Variants in PRMT1 observed in about 807,000 individuals in gnomAD.
PRMT1 encodes protein arginine methyltransferase 1.
A neutral mutation model predicts 47.4 loss-of-function variants in PRMT1; 5 were observed. That is an observed-to-expected ratio of 0.11 (90% CI 0.06 to 0.22). PRMT1 has a LOEUF of 0.22. PRMT1 is among the 10% of genes least tolerant of loss of function. The pLI is 1.00. For missense variants in PRMT1, 249 were observed against 518.4 expected (o/e 0.48, Z 5.05); for synonymous variants, 227 against 204.6 (o/e 1.11, Z -0.94).
intron 9 of PRMT1, 39 bp downstream of exon 9, chr19:49,686,282 C>T: frequency 6.4e-7 from 1 of 1,553,754 alleles, no homozygotes; most frequent in Non-Finnish European, 8.7e-7. Flanking sequence ...CGTTCCCGAG[C>T]CAGGGCGGAG....
Position 49,682,352 on chromosome 19 carries a change from A to T in PRMT1, c.412+93A>T, listed in dbSNP as rs529644032. The T allele has an allele frequency of 3.4e-4, 465 of 1,353,728 alleles. 2 individuals are homozygous for T. The South Asian group carries it at 5.3e-3, about 16-fold the overall frequency. 83.9% of individuals were successfully genotyped at this position (1,353,728 alleles called of 1,614,324 possible). On this transcript the variant is annotated intron_variant, in intron 5 of 10. Coordinates refer to ENST00000454376, the MANE Select transcript of PRMT1 (RefSeq NM_001536.6). ...TGAAGAGCAGTGGGGTCTACAGATG[A>T]CCACAGATTCAGCAGCTCCCAACCC...
intron 9 of PRMT1, 104 bp downstream of exon 9, chr19:49,686,347 C>T: frequency 7.0e-7 from 1 of 1,419,712 alleles, no homozygotes; most frequent in Non-Finnish European, 9.4e-7. Flanking sequence ...ACCATGGGGA[C>T]ACGCGTGTTC....
chr19:49,686,143 G>A lies in PRMT1; in HGVS notation c.810G>A (p.Pro270=), dbSNP rs753984592. ...TGGAAGACCTGACCTTCACCTCCCC[G>A]TTCTGCCTGCAAGTGAAGCGGAATG... The part of the protein sequence containing the change: ...VKVEDLTFTS[P]FCLQVKRNDY... Residue 270 remains proline (P), a synonymous_variant, in exon 9 of 11, where the codon CCG becomes CCA. Transcript: ENST00000454376. The A allele has an allele frequency of 2.7e-5, 44 of 1,613,962 alleles. No individual in the cohort carries two copies. The highest frequency in any genetic ancestry group is 3.3e-4 in the Middle Eastern group (2 of 6,080).
intron 5 of PRMT1, 24 bp from the exon 6 acceptor site, chr19:49,683,903 G>A (rs1171080881): frequency 3.1e-6 from 5 of 1,605,508 alleles, no homozygotes; most frequent in African/African-American, 1.3e-5. Context: ...GGGGGCTGAC[G>A]TGGCCACCCT....
Position 49,680,641 on chromosome 19 carries a change from G to T in PRMT1, c.192+53G>T. 2 of 1,407,502 alleles carry T rather than the reference G, an allele frequency of 1.4e-6. No individual in the cohort carries two copies. Among genetic ancestry groups the T allele is most frequent in the Non-Finnish European group, 2.0e-6 (2 of 994,656 alleles). 87.2% of individuals were successfully genotyped at this position (1,407,502 alleles called of 1,614,324 possible). On this transcript the variant is annotated intron_variant, in intron 3 of 10. Coordinates refer to ENST00000454376, the MANE Select transcript of PRMT1 (RefSeq NM_001536.6). This position sits in a 1 kb window ranked among gnomAD's most constrained non-coding sequence, Gnocchi z 4.2. ...AATCTTAGGGGGGCTTAAATGTTGG[G>T]GAAGGGGTGGAACCTGTTTTCCCAC...
chr19:49,677,822 C>T (rs1337139443), intron 1 of PRMT1, among the ~76,000 whole-genome samples: 1 of 152,130 alleles, frequency 6.6e-6, no homozygotes, highest in Non-Finnish European at 1.5e-5. Context: ...AGCAGTGCTT[C>T]TCAGCCCTTT....
At position 49,681,719 on chromosome 19, in the gene PRMT1, C is replaced by T. The variant is rs2082121074; in HGVS notation, c.193-191C>T. On this transcript the variant is annotated intron_variant, in intron 3 of 10. Transcript: ENST00000454376. This position sits in a 1 kb window ranked among gnomAD's most constrained non-coding sequence, Gnocchi z 4.4. ...CACCATTGCACTCCAGCCTGGGCAA[C>T]AGAGTGAGATTCCATCTCAAAAAAT... Among the ~76,000 whole-genome samples the T allele has an allele frequency of 6.6e-6, 1 of 151,850 alleles. No homozygotes were observed. Among genetic ancestry groups the T allele is most frequent in the Non-Finnish European group, 1.5e-5 (1 of 67,974 alleles).
In PRMT1 at chr19:49,685,645, T is replaced by G; in HGVS notation, c.760-448T>G. On this transcript the variant is annotated intron_variant, in intron 8 of 10. Transcript: ENST00000454376. This position sits in a 1 kb window ranked among gnomAD's most constrained non-coding sequence, Gnocchi z 4.7. ...GGGGATCCTGTCGGGGAGGAGTAAG[T>G]TGTTGAGTGGGGGAGGAGAGGAGAC... 1 of 1,016,712 alleles carries G rather than the reference T, an allele frequency of 9.8e-7. No homozygotes were observed. 63.0% of individuals were successfully genotyped at this position (1,016,712 alleles called of 1,614,324 possible).
At position 49,686,258 on chromosome 19, in the gene PRMT1, A is replaced by G. The variant is rs776956569; in HGVS notation, c.910+15A>G. 159 of 1,580,548 alleles carry G rather than the reference A, an allele frequency of 1.0e-4. No homozygotes were observed. Among genetic ancestry groups the G allele is most frequent in the Non-Finnish European group, 1.3e-4 (156 of 1,164,064 alleles). On this transcript the variant is annotated intron_variant, in intron 9 of 10. Coordinates refer to ENST00000454376, the MANE Select transcript of PRMT1 (RefSeq NM_001536.6). ...CTTCTCCACCAGTGAGGCGGGGCCC[A>G]CAGGGCTGGGGGCCGTTCCCGAGCC...
chr19:49,680,023 C>T lies in PRMT1; in HGVS notation c.90+98C>T. ...TTTCTTGAGGTCTAACCATACCCCT[C>T]TTGCTTCAAACCAGTTTACCCCAGG... On this transcript the variant is annotated intron_variant, in intron 2 of 10. Transcript: ENST00000454376. The surrounding 1 kb of genome is among the most constrained non-coding windows in gnomAD (Gnocchi z 4.2). 1 of 1,343,504 alleles carries T rather than the reference C, an allele frequency of 7.4e-7. No homozygotes were observed. The highest frequency in any genetic ancestry group is 1.3e-5 in the South Asian group (1 of 79,988). The allele number at this position is 1,343,504 out of a possible 1,614,324, so 83.2% of individuals were successfully genotyped here.
Position 49,680,515 on chromosome 19 carries a change from A to C in PRMT1, c.119A>C (p.Glu40Ala). ...TCCTGTGGCCAGGCGGAAAGCAGTGAGAAGCCCAACGCTGAGGACATGACA... is the reference window on the plus strand; with the variant it reads ...TCCTGTGGCCAGGCGGAAAGCAGTGCGAAGCCCAACGCTGAGGACATGACA... Reference protein sequence around the residue: ...EVSCGQAESSEKPNAEDMTSK... With the variant: ...EVSCGQAESSAKPNAEDMTSK... The change falls in exon 3 of 11, where the codon GAG (glutamate) becomes GCG (alanine). Residue 40 changes from glutamate to alanine, a missense_variant. Coordinates refer to ENST00000454376, the MANE Select transcript of PRMT1 (RefSeq NM_001536.6). The surrounding 1 kb of genome is among the most constrained non-coding windows in gnomAD (Gnocchi z 4.2). The C allele has an allele frequency of 1.9e-6, 3 of 1,614,088 alleles. No homozygotes were observed. The highest frequency in any genetic ancestry group is 2.5e-6 in the Non-Finnish European group (3 of 1,179,984).
Position 49,688,377 on chromosome 19 carries a change from C to T in PRMT1, c.*132C>T. The T allele has an allele frequency of 1.3e-6, 1 of 765,282 alleles. No homozygotes were observed. The highest frequency in any genetic ancestry group is 2.2e-6 in the Non-Finnish European group (1 of 453,280). The allele number at this position is 765,282 out of a possible 1,614,324, so 47.4% of individuals were successfully genotyped here. ...CTGGGCTGGGGGGATGGGGAGGGCA[C>T]ATCGTGACTGTGTTTTTCATAACTT... On this transcript the variant is annotated 3_prime_UTR_variant, in exon 11 of 11. Coordinates refer to ENST00000454376, the MANE Select transcript of PRMT1 (RefSeq NM_001536.6). This position sits in a 1 kb window ranked among gnomAD's most constrained non-coding sequence, Gnocchi z 5.3.
intron 5 of PRMT1, among the ~76,000 whole-genome samples, chr19:49,683,326 C>T (rs898458069): frequency 6.6e-6 from 1 of 152,044 alleles, no homozygotes; most frequent in Non-Finnish European, 1.5e-5. Context: ...TGTGTCTTAT[C>T]TAATAGATAA....
chr19:49,678,034 G>A (rs902526237), intron 1 of PRMT1, among the ~76,000 whole-genome samples: 2 of 152,024 alleles, frequency 1.3e-5, no homozygotes, highest in Non-Finnish European at 2.9e-5. Flanking sequence ...GGTGGTGGTG[G>A]GGCATCTAGA....
At chr19:49,686,980 G>A (rs2082217474) in intron 10 of PRMT1, among the ~76,000 whole-genome samples, 1 of 152,128 alleles carries the variant, frequency 6.6e-6, no homozygotes. Context: ...GACCCAGGCT[G>A]AAACCCTGCC....
chr19:49,685,056 C>G lies in PRMT1; in HGVS notation c.759+19C>G. 1 of 1,614,034 alleles carries G rather than the reference C, an allele frequency of 6.2e-7. No individual in the cohort carries two copies. Among genetic ancestry groups the G allele is most frequent in the African/African-American group, 1.3e-5 (1 of 75,056 alleles). Reference sequence around the variant, plus strand: ...CATAAAGGTGAGGGGGTGGGCATGGCCAGGTGCCCCCTGGGTTGAAACCAA... The same window carrying G: ...CATAAAGGTGAGGGGGTGGGCATGGGCAGGTGCCCCCTGGGTTGAAACCAA... On this transcript the variant is annotated intron_variant, in intron 8 of 10. Transcript: ENST00000454376. This position sits in a 1 kb window ranked among gnomAD's most constrained non-coding sequence, Gnocchi z 4.7.
At position 49,683,819 on chromosome 19, in the gene PRMT1, C is replaced by T. The variant is rs144999140; in HGVS notation, c.413-108C>T. On this transcript the variant is annotated intron_variant, in intron 5 of 10. Transcript: ENST00000454376. ...TAGAAGGGTTCATGGCTTCTGCTCA[C>T]GCAGTTCTCTGAACTGAAGTGGGGT... is the stretch of plus-strand genomic sequence containing the variant. 1,289 of 1,244,920 alleles carry T rather than the reference C, an allele frequency of 1.0e-3. 3 individuals are homozygous for T. In the African/African-American group the frequency reaches 0.016, roughly 16 times the overall value. The allele number at this position is 1,244,920 out of a possible 1,614,324, so 77.1% of individuals were successfully genotyped here.
intron 5 of PRMT1, among the ~76,000 whole-genome samples, chr19:49,682,809 T>C (rs190482788): frequency 8.9e-4 from 113 of 126,976 alleles, no homozygotes; most frequent in African/African-American, 3.1e-3. Flanking sequence ...TTTTTTGAGA[T>C]GGAGTCTCAC....
At chr19:49,682,308 C>T (rs758494537) in intron 5 of PRMT1, 49 bp downstream of exon 5, 1 of 1,585,214 alleles carries the variant, frequency 6.3e-7, no homozygotes, top group South Asian at 1.1e-5. Flanking sequence ...GGGTGATGCC[C>T]TGCTTCCCCA....
Sources: gnomAD v4.1 joint callset for allele counts (sites outside exome capture counted in the v4.1 genomes callset) on GRCh38, gnomAD v4.1.1 for gene constraint, Gnocchi (gnomAD v3.1) non-coding constraint, MANE v1.5 for transcripts, NCBI Gene and HGNC (gene_info 2026-07-23, HGNC 2026-07-21) for gene names.